USP54: variants seen among roughly 807,000 people sequenced by gnomAD.
USP54 encodes ubiquitin specific peptidase 54.
USP54 carries 87 observed loss-of-function variants against 170.5 expected under a neutral mutation model. The observed-to-expected ratio is 0.51, with a 90% CI of 0.43 to 0.61. The LOEUF (loss-of-function observed/expected upper bound fraction) is 0.61, where lower values mean the gene tolerates loss of function less well. Among genes scored for constraint, USP54 ranks in the 20% least tolerant of loss-of-function variants. The pLI, the probability that USP54 is intolerant of heterozygous loss-of-function variation, is 0.00. For synonymous variants in USP54, 655 were observed against 742.8 expected, an observed-to-expected ratio of 0.88 and a Z score of 1.92; for missense variants, 1,786 against 2,047.8, an observed-to-expected ratio of 0.87 and a Z score of 2.47.
intron 16 of USP54, among the ~76,000 whole-genome samples, chr10:73,524,997 T>C (rs2062604578): frequency 6.6e-6 from 1 of 152,166 alleles, no homozygotes; most frequent in East Asian, 1.9e-4. Context: ...TCCACAGCAG[T>C]ATAAGTCCAA....
intron 1 of USP54, chr10:73,614,111 A>T (rs910068351): frequency 2.0e-5 from 3 of 150,508 alleles, no homozygotes; most frequent in Non-Finnish European, 4.4e-5. Flanking sequence ...CTAAAGTGGA[A>T]GGATCATTTG....
intron 12 of USP54, among the ~76,000 whole-genome samples, chr10:73,531,837 T>C (rs2064038826): frequency 6.6e-6 from 1 of 152,186 alleles, no homozygotes; most frequent in African/African-American, 2.4e-5. Context: ...TGCAAATACA[T>C]GAGCATGATT....
At chr10:73,614,664 C>G (rs1294249762) in intron 1 of USP54, among the ~76,000 whole-genome samples, 2 of 148,790 alleles carry the variant, frequency 1.3e-5, no homozygotes, top group East Asian at 1.9e-4. Flanking sequence ...GATTTCATAT[C>G]ATTAAAGACA....
At chr10:73,524,951 C>A (rs1268232348) in intron 16 of USP54, among the ~76,000 whole-genome samples, 1 of 152,216 alleles carries the variant, frequency 6.6e-6, no homozygotes, top group Non-Finnish European at 1.5e-5. Flanking sequence ...ATTTTCTCAC[C>A]CTTAATTTCC....
intron 4 of USP54, among the ~76,000 whole-genome samples, chr10:73,550,133 A>G (rs2068892929): frequency 6.6e-6 from 1 of 152,196 alleles, no homozygotes; most frequent in African/African-American, 2.4e-5. Flanking sequence ...TATGTTGGCC[A>G]GGTTGGTCTT....
At chr10:73,551,013 G>A (rs781139631) in intron 4 of USP54, among the ~76,000 whole-genome samples, 1 of 152,188 alleles carries the variant, frequency 6.6e-6, no homozygotes, top group South Asian at 2.1e-4. Context: ...GCTGAGGCAG[G>A]AGAATGGCGT....
At chr10:73,571,621 TCC>T in intron 3 of USP54, 108 bp from the exon 4 acceptor site, 1 of 778,094 alleles carries the variant, frequency 1.3e-6, no homozygotes, top group Non-Finnish European at 2.0e-6. Context: ...ATGTCTTTAT[TCC>T]CAAAAGAAAA....
rs768996762 is a variant in USP54, at chr10:73,542,824, T to C, written c.551A>G (p.Tyr184Cys). Residue 184 changes from tyrosine to cysteine, a missense_variant, in exon 7 of 24, where the codon TAT (tyrosine) becomes TGT (cysteine). Transcript: ENST00000687698. ...DPLPFIQMVHYISTTSLCNQA... is the reference protein window; with the variant it reads ...DPLPFIQMVHCISTTSLCNQA... ...TCACCAAAGGGAAGTGGTGGAGATA[T>C]AATGTACCATCTGGATGAAAGGCAG... is the stretch of plus-strand genomic sequence containing the variant. The C allele has an allele frequency of 3.7e-6, 6 of 1,613,268 alleles. No individual in the cohort carries two copies. Among genetic ancestry groups the C allele is most frequent in the East Asian group, 2.2e-5 (1 of 44,846 alleles).
In USP54 at chr10:73,588,311, G is replaced by A. The variant is rs767808056; in HGVS notation, c.-582+2967C>T. On this transcript the variant is annotated intron_variant, in intron 1 of 23. Transcript: ENST00000687698. ...CTTGGCTCACCGCAACCTCCGCCTC[G>A]CAGACTCAAGCAATTCTCCTGTCTC... 1.4e-4 allele frequency among the ~76,000 whole-genome samples: 21 copies of A among 151,962 alleles called. 1 individual carries two copies. Among genetic ancestry groups the A allele is most frequent in the Middle Eastern group, 3.2e-3 (1 of 316 alleles).
Position 73,526,754 on chromosome 10 carries a change from C to A in USP54, c.2087G>T (p.Gly696Val), listed in dbSNP as rs1338902063. 5 of 1,614,076 alleles carry A rather than the reference C, an allele frequency of 3.1e-6. No individual in the cohort carries two copies. The highest frequency in any genetic ancestry group is 4.2e-6 in the Non-Finnish European group (5 of 1,180,004). The change falls in exon 16 of 24, where the codon GGG becomes GTG. Residue 696 changes from glycine (G) to valine (V), a missense_variant. Gly to Val is a moderately radical substitution (Grantham distance 109). Coordinates refer to ENST00000687698, the MANE Select transcript of USP54 (RefSeq NM_001391956.1). ...GATATGACGCCAGGAAGGAACCAAC[C>A]CAGCTGATCTCTTAGCACTTGGATC... ...YRDPSAKRSA[G>V]LVPSWRHIPK...
At chr10:73,536,970 T>C (rs1312908012) in intron 10 of USP54, among the ~76,000 whole-genome samples, 1 of 152,222 alleles carries the variant, frequency 6.6e-6, no homozygotes, top group Non-Finnish European at 1.5e-5. Flanking sequence ...CTGCTTAGAA[T>C]AGACAATTGA....
At chr10:73,550,949 A>G (rs1056901550) in intron 4 of USP54, among the ~76,000 whole-genome samples, 3 of 152,128 alleles carry the variant, frequency 2.0e-5, no homozygotes, top group African/African-American at 7.2e-5. Flanking sequence ...TACTAAAAAT[A>G]CAAAAATTAT....
chr10:73,573,795 C>A (rs559672275), intron 3 of USP54, among the ~76,000 whole-genome samples: 31 of 152,258 alleles, frequency 2.0e-4, no homozygotes, highest in African/African-American at 7.5e-4. Flanking sequence ...TGAGAAAGAG[C>A]ATGAAACTTT....
At chr10:73,622,609 C>T (rs1589432147) in intron 1 of USP54, among the ~76,000 whole-genome samples, 1 of 152,032 alleles carries the variant, frequency 6.6e-6, no homozygotes, top group African/African-American at 2.4e-5. Flanking sequence ...CAGGCCTGAG[C>T]TACCGTGCCT....
chr10:73,530,066 A>G, intron 14 of USP54, 77 bp downstream of exon 14: 1 of 1,526,968 alleles, frequency 6.5e-7, no homozygotes, highest in Non-Finnish European at 8.8e-7. Flanking sequence ...TGCCAGATGT[A>G]CCAAAAAACC....
intron 1 of USP54, among the ~76,000 whole-genome samples, chr10:73,596,346 A>C (rs535134123): frequency 3.4e-4 from 51 of 152,214 alleles, no homozygotes; most frequent in African/African-American, 1.2e-3. Flanking sequence ...TCACAAGGTC[A>C]GGAGATCAAG....
intron 1 of USP54, among the ~76,000 whole-genome samples, chr10:73,618,465 G>A (rs776591158): frequency 4.6e-4 from 69 of 150,396 alleles, no homozygotes; most frequent in South Asian, 1.0e-3. Flanking sequence ...AGCTGGGGCC[G>A]GGCACAGGGG....
chr10:73,612,089 G>A (rs2080195186), intron 1 of USP54, among the ~76,000 whole-genome samples: 1 of 152,140 alleles, frequency 6.6e-6, no homozygotes, highest in South Asian at 2.1e-4. Context: ...TCCCACCTGG[G>A]AAAGAGTTCG....
chr10:73,556,927 AGC>A, intron 4 of USP54, among the ~76,000 whole-genome samples: 1 of 152,310 alleles, frequency 6.6e-6, no homozygotes, highest in African/African-American at 2.4e-5. Context: ...GCCTTATACT[AGC>A]ATTCTTAAAA....
Sources: gnomAD v4.1 joint callset for allele counts (sites outside exome capture counted in the v4.1 genomes callset) on GRCh38, gnomAD v4.1.1 for gene constraint, MANE v1.5 for transcripts, NCBI Gene and HGNC (gene_info 2026-07-23, HGNC 2026-07-21) for gene names.